The following SERGEF variants were observed in gnomAD, a reference collection of about 807,000 sequenced individuals.
SERGEF encodes the protein secretion regulating guanine nucleotide exchange factor, also known as secretion-regulating guanine nucleotide exchange factor.
In SERGEF, 51 loss-of-function variants were observed where a neutral mutation model predicts 50.0. That is an observed-to-expected ratio of 1.02 (90% CI 0.81 to 1.29). The LOEUF (loss-of-function observed/expected upper bound fraction) is 1.29, where lower values mean the gene tolerates loss of function less well. Ranked by LOEUF, SERGEF falls within the 50% of genes most tolerant of loss-of-function variation. The pLI is 0.00. For missense variants in SERGEF, 521 were observed against 557.0 expected (o/e 0.94, Z 0.65); for synonymous variants, 205 against 212.4 (o/e 0.97, Z 0.30).
intron 10 of SERGEF, among the ~76,000 whole-genome samples, chr11:17,862,387 G>A (rs1850941873): frequency 2.0e-5 from 3 of 152,208 alleles, no homozygotes; most frequent in African/African-American, 7.2e-5. Flanking sequence ...AAGGAGGCCT[G>A]TAGAAGGAAA....
At chr11:17,959,710 G>T in intron 8 of SERGEF, 74 bp from the exon 9 acceptor site, 1 of 1,322,478 alleles carries the variant, frequency 7.6e-7, no homozygotes, top group Non-Finnish European at 1.0e-6. Context: ...TGAATTACAA[G>T]AGAAAGTGTG....
chr11:17,987,450 G>C (rs2133995235), intron 8 of SERGEF, among the ~76,000 whole-genome samples: 1 of 152,274 alleles, frequency 6.6e-6, no homozygotes, highest in South Asian at 2.1e-4. Flanking sequence ...TTTAGGAAAA[G>C]GTTCTGTAGA....
chr11:18,003,787 T>G (rs1398366400), intron 4 of SERGEF, among the ~76,000 whole-genome samples: 1 of 152,180 alleles, frequency 6.6e-6, no homozygotes, highest in East Asian at 1.9e-4. Context: ...AAAAGTAGAT[T>G]AGTACTCACC....
At chr11:17,789,471 T>C (rs1203222817) in intron 10 of SERGEF, among the ~76,000 whole-genome samples, 3 of 152,184 alleles carry the variant, frequency 2.0e-5, no homozygotes, top group African/African-American at 7.2e-5. Flanking sequence ...CAAGCCAACA[T>C]TCATGCCCAG....
At chr11:17,937,772 A>G (rs1389404302) in intron 9 of SERGEF, among the ~76,000 whole-genome samples, 2 of 152,154 alleles carry the variant, frequency 1.3e-5, no homozygotes, top group African/African-American at 4.8e-5. Context: ...CTATCCTAAA[A>G]TGGAATCTTT....
intron 9 of SERGEF, among the ~76,000 whole-genome samples, chr11:17,941,247 C>T (rs1419734100): frequency 6.6e-6 from 1 of 152,160 alleles, no homozygotes; most frequent in Non-Finnish European, 1.5e-5. Flanking sequence ...AATTTACCAT[C>T]TTAACCATTT....
chr11:17,817,585 A>G (rs931778385), intron 10 of SERGEF, among the ~76,000 whole-genome samples: 1 of 152,214 alleles, frequency 6.6e-6, no homozygotes, highest in Non-Finnish European at 1.5e-5. Context: ...CCCATTTTAC[A>G]GACAAGAATG....
At chr11:18,010,180 C>T (rs767968567) in intron 1 of SERGEF, 1 of 816,106 alleles carries the variant, frequency 1.2e-6, no homozygotes, top group Non-Finnish European at 1.8e-6. Context: ...ACAACAAATA[C>T]ATATATACAT....
intron 8 of SERGEF, among the ~76,000 whole-genome samples, chr11:17,988,148 C>T (rs772889951): frequency 6.6e-6 from 1 of 152,264 alleles, no homozygotes; most frequent in East Asian, 1.9e-4. Context: ...ATTAGGTCAA[C>T]AAAAGTTTAA....
chr11:17,940,382 G>C (rs1852538986), intron 9 of SERGEF, among the ~76,000 whole-genome samples: 1 of 152,138 alleles, frequency 6.6e-6, no homozygotes, highest in South Asian at 2.1e-4. Flanking sequence ...TAGCCTCTTT[G>C]AGTTCCAGTG....
chr11:17,924,022 G>A (rs1852207199), intron 9 of SERGEF, among the ~76,000 whole-genome samples: 1 of 152,160 alleles, frequency 6.6e-6, no homozygotes, highest in Non-Finnish European at 1.5e-5. Flanking sequence ...AGTCTGTAGA[G>A]TGAAGATGAT....
At position 17,983,825 on chromosome 11, in the gene SERGEF, T is replaced by TA. The variant is rs776577952; in HGVS notation, c.844+4771dup. ...ATACCTAAGTTAAGGGTTAAGACTT[T>TA]AAAAAAAAAAAAAAAGGATTTAGCT... On this transcript the variant is annotated intron_variant, in intron 8 of 10. Transcript: ENST00000265965. Among the ~76,000 whole-genome samples the TA allele has an allele frequency of 7.8e-3, 1,051 of 135,518 alleles. 11 individuals carry two copies. The highest frequency in any genetic ancestry group is 0.023 in the African/African-American group (837 of 36,798). 88.9% of individuals were successfully genotyped at this position (135,518 alleles called of 152,430 possible). A position where few individuals can be genotyped will look rare whatever the true frequency, so the allele number is the denominator to read the frequency against.
At chr11:17,941,748 C>CAAT (rs1382260153) in intron 9 of SERGEF, among the ~76,000 whole-genome samples, 1 of 152,148 alleles carries the variant, frequency 6.6e-6, no homozygotes, top group Non-Finnish European at 1.5e-5. Flanking sequence ...ACGTTCCCAC[C>CAAT]AATAGTGCAC....
chr11:17,844,930 A>C (rs569641602), intron 10 of SERGEF, among the ~76,000 whole-genome samples: 1 of 151,950 alleles, frequency 6.6e-6, no homozygotes, highest in African/African-American at 2.4e-5. Context: ...AACAAACAAA[A>C]AAAACAGAAC....
intron 9 of SERGEF, among the ~76,000 whole-genome samples, chr11:17,905,317 T>C (rs1851817640): frequency 6.6e-6 from 1 of 152,234 alleles, no homozygotes; most frequent in African/African-American, 2.4e-5. Context: ...GAAACAATTT[T>C]TAGTCACAAT....
chr11:17,922,918 A>T (rs1391976098), intron 9 of SERGEF, among the ~76,000 whole-genome samples: 1 of 152,074 alleles, frequency 6.6e-6, no homozygotes, highest in Non-Finnish European at 1.5e-5. Context: ...ACCTCTTTTG[A>T]TTTCAGATTA....
chr11:17,958,274 A>C (rs114402352), intron 9 of SERGEF, among the ~76,000 whole-genome samples: 255 of 152,304 alleles, frequency 1.7e-3, no homozygotes, highest in African/African-American at 5.9e-3. Context: ...GTCTGATGCT[A>C]ATTACAGAAG....
At chr11:17,898,013 T>C (rs972956156) in intron 9 of SERGEF, among the ~76,000 whole-genome samples, 2 of 152,240 alleles carry the variant, frequency 1.3e-5, no homozygotes, top group Non-Finnish European at 2.9e-5. Context: ...CTATGCTACA[T>C]AGATTTCTCT....
At chr11:18,005,839 T>C (rs1481380403) in intron 3 of SERGEF, among the ~76,000 whole-genome samples, 4 of 150,702 alleles carry the variant, frequency 2.7e-5, no homozygotes, top group African/African-American at 9.7e-5. Context: ...CTAACACATT[T>C]AGAAAAAAAA....
Sources: allele counts gnomAD v4.1 joint callset (sites outside exome capture counted in the v4.1 genomes callset), GRCh38; gene constraint gnomAD v4.1.1; transcripts MANE v1.5; gene names NCBI Gene and HGNC (gene_info 2026-07-23, HGNC 2026-07-21).